Variants in RHBG observed in about 807,000 individuals in gnomAD.
RHBG encodes Rh family B glycoprotein, also known as ammonium transporter Rh type B.
Under a neutral mutation model 40.1 loss-of-function variants are expected in RHBG, and 39 were observed. The ratio of observed to expected loss-of-function variants is 0.97; its 90% CI spans 0.75 to 1.27. RHBG has a LOEUF of 1.27. Ranked by LOEUF, RHBG falls within the 50% of genes most tolerant of loss-of-function variation. The pLI, the probability that RHBG is intolerant of heterozygous loss-of-function variation, is 0.00. For missense variants in RHBG, 549 were observed against 588.1 expected, an observed-to-expected ratio of 0.93 and a Z score of 0.69; for synonymous variants, 237 against 252.5, an observed-to-expected ratio of 0.94 and a Z score of 0.58.
chr1:156,380,316 G>A (rs1667532902), intron 4 of RHBG, among the ~76,000 whole-genome samples: 1 of 151,790 alleles, frequency 6.6e-6, no homozygotes, highest in South Asian at 2.1e-4. Flanking sequence ...TGGTTAGGCT[G>A]GTCTCGAACC....
chr1:156,378,798 C>A (rs2842850), intron 4 of RHBG, among the ~76,000 whole-genome samples: 49,426 of 151,958 alleles, frequency 0.33, 9,831 homozygotes, highest in Non-Finnish European at 0.45. Flanking sequence ...GTCTGGTTCC[C>A]GGCAAACAGG....
At chr1:156,383,202 A>G (rs1025779043) in intron 8 of RHBG, among the ~76,000 whole-genome samples, 2 of 152,230 alleles carry the variant, frequency 1.3e-5, no homozygotes, top group Non-Finnish European at 2.9e-5. Context: ...CATGTGGGGC[A>G]GGGACAAGGA....
At chr1:156,373,989 GATATA>G (rs1667019551) in intron 1 of RHBG, among the ~76,000 whole-genome samples, 1 of 152,024 alleles carries the variant, frequency 6.6e-6, no homozygotes, top group Non-Finnish European at 1.5e-5. Flanking sequence ...TGTTTGAGAT[GATATA>G]ATATATTATT....
At chr1:156,375,313 T>C (rs1454516773) in intron 1 of RHBG, among the ~76,000 whole-genome samples, 1 of 152,110 alleles carries the variant, frequency 6.6e-6, no homozygotes, top group East Asian at 1.9e-4. Context: ...CCTCAGGTGA[T>C]CCACCCACCC....
chr1:156,381,542 G>A, intron 5 of RHBG, 29 bp downstream of exon 5: 2 of 1,581,096 alleles, frequency 1.3e-6, no homozygotes, highest in Non-Finnish European at 1.7e-6. Context: ...CAGAGAGGCA[G>A]AGGGGGTGGC....
intron 4 of RHBG, among the ~76,000 whole-genome samples, chr1:156,378,999 T>C (rs905335814): frequency 2.8e-4 from 42 of 150,048 alleles, no homozygotes; most frequent in South Asian, 4.2e-4. Flanking sequence ...TCTTCTTCTT[T>C]TTTTTTTTTT....
rs1421089721 is a variant in RHBG at position 156,385,148 on chromosome 1, G to A, written c.*303G>A. ...ATTGAGGCACCCAAGTGATCCACTG[G>A]CCCCACGTCACACAGTTACAGTGAA... On this transcript the variant is annotated 3_prime_UTR_variant, in exon 10 of 10. Coordinates refer to ENST00000537040, the MANE Select transcript of RHBG (RefSeq NM_020407.5). The A allele has an allele frequency of 9.3e-6, 3 of 324,136 alleles. No homozygotes were observed. The highest frequency in any genetic ancestry group is 1.1e-4 in the East Asian group (2 of 17,834). 20.1% of individuals were successfully genotyped at this position (324,136 alleles called of 1,614,324 possible).
intron 1 of RHBG, among the ~76,000 whole-genome samples, chr1:156,372,103 G>A (rs1485459146): frequency 6.6e-6 from 1 of 152,216 alleles, no homozygotes; most frequent in Non-Finnish European, 1.5e-5. Flanking sequence ...TTTGATTCGG[G>A]AGATGAAAGG....
chr1:156,372,956 C>A (rs1312498693), intron 1 of RHBG, among the ~76,000 whole-genome samples: 1 of 152,160 alleles, frequency 6.6e-6, no homozygotes, highest in East Asian at 1.9e-4. Flanking sequence ...CACGCCCGGC[C>A]AGACTTAGAA....
chr1:156,380,725 CAAAAAAA>C (rs564713959), intron 4 of RHBG, among the ~76,000 whole-genome samples: 8 of 81,986 alleles, frequency 9.8e-5, no homozygotes, highest in African/African-American at 1.6e-4. Flanking sequence ...GACCTTGTCT[CAAAAAAA>C]AAAAAAAAAA....
intron 1 of RHBG, chr1:156,371,632 C>T (rs1196091858): frequency 6.4e-6 from 1 of 155,160 alleles, no homozygotes; most frequent in Non-Finnish European, 1.4e-5. Context: ...GAAGGGGCTA[C>T]AGCTCCTCCC....
At chr1:156,373,575 A>G (rs958530106) in intron 1 of RHBG, among the ~76,000 whole-genome samples, 4 of 152,158 alleles carry the variant, frequency 2.6e-5, no homozygotes, top group African/African-American at 9.7e-5. Flanking sequence ...CTCACCTCTC[A>G]GAGCCCAAAA....
intron 8 of RHBG, 58 bp from the exon 9 acceptor site, chr1:156,384,469 A>T: frequency 6.5e-7 from 1 of 1,529,814 alleles, no homozygotes; most frequent in Non-Finnish European, 9.1e-7. Context: ...ACTGGGTGGC[A>T]CCCTCCTCCA....
rs866500103 is a variant in RHBG at position 156,375,457 on chromosome 1, A to C, written c.188-1844A>C. ...CTATCTGCCCATGCATATGGCACAAAAAAAAAAAAAAAAGCATAAAAGCAT... is the reference window on the plus strand; with the variant it reads ...CTATCTGCCCATGCATATGGCACAACAAAAAAAAAAAAAGCATAAAAGCAT... On this transcript the variant is annotated intron_variant, in intron 1 of 9. Coordinates refer to ENST00000537040, the MANE Select transcript of RHBG (RefSeq NM_020407.5). 3.3e-3 allele frequency among the ~76,000 whole-genome samples: 346 copies of C among 105,560 alleles called. 2 individuals carry two copies. The highest frequency in any genetic ancestry group is 0.011 in the African/African-American group (314 of 27,634). The allele number at this position is 105,560 out of a possible 152,430, so 69.3% of individuals were successfully genotyped here. A position where few individuals can be genotyped will look rare whatever the true frequency, so the allele number is the denominator to read the frequency against.
chr1:156,378,320 G>C lies in RHBG; in HGVS notation c.594G>C (p.Arg198=). ...CCTACTTCGGGCTCGTCCTTTCGCG[G>C]GTTCTGTACAGGCCCCAGCTGGAGA... ...FGAYFGLVLS[R]VLYRPQLEKS... Residue 198 remains arginine (R), a synonymous_variant, in exon 4 of 10, where the codon CGG becomes CGC. Transcript: ENST00000537040. 1 of 1,614,064 alleles carries C rather than the reference G, an allele frequency of 6.2e-7. No individual in the cohort carries two copies. The highest frequency in any genetic ancestry group is 8.5e-7 in the Non-Finnish European group (1 of 1,179,998).
rs540650249 is a variant in RHBG, at chr1:156,384,881, C to G, written c.*36C>G. Reference sequence around the variant, plus strand: ...GCCCCTGAGAGGACACGCTCCTTTTCGAAGATGCTGACTGGCTGCTACTAG... The same window carrying G: ...GCCCCTGAGAGGACACGCTCCTTTTGGAAGATGCTGACTGGCTGCTACTAG... On this transcript the variant is annotated 3_prime_UTR_variant, in exon 10 of 10. Transcript: ENST00000537040. 5.1e-6 allele frequency: 7 copies of G among 1,380,626 alleles called. No homozygotes were observed. The highest frequency in any genetic ancestry group is 1.4e-5 in the African/African-American group (1 of 69,850). The allele number at this position is 1,380,626 out of a possible 1,614,324, so 85.5% of individuals were successfully genotyped here.
intron 8 of RHBG, among the ~76,000 whole-genome samples, chr1:156,383,778 C>T (rs2005193): frequency 0.023 from 3,444 of 150,836 alleles, 138 homozygotes; most frequent in African/African-American, 0.08. Flanking sequence ...CCGCCCGCCT[C>T]GGCCTCCCAA....
chr1:156,380,168 T>C (rs532274260), intron 4 of RHBG, among the ~76,000 whole-genome samples: 2 of 144,162 alleles, frequency 1.4e-5, no homozygotes, highest in East Asian at 4.2e-4. Context: ...TGGAGTGCAG[T>C]GGCATGATCT....
rs1667499640 is a variant in RHBG at position 156,379,924 on chromosome 1, T to C, written c.674-1423T>C. On this transcript the variant is annotated intron_variant, in intron 4 of 9. Transcript: ENST00000537040. ...AAGGCAGGGTAAATGGGCTTCCAGT[T>C]CTTTCCCAAAATGCACAGGCCCAGC... Among the ~76,000 whole-genome samples, 3 of 152,054 alleles carry C rather than the reference T, an allele frequency of 2.0e-5. No individual in the cohort carries two copies. The South Asian group carries it at 6.2e-4, about 32-fold the overall frequency.
Sources: gnomAD v4.1 joint callset for allele counts (sites outside exome capture counted in the v4.1 genomes callset) on GRCh38, gnomAD v4.1.1 for gene constraint, MANE v1.5 for transcripts, NCBI Gene and HGNC (gene_info 2026-07-23, HGNC 2026-07-21) for gene names.